Variants in TMEM178B observed in about 807,000 individuals in gnomAD.
TMEM178B encodes the protein transmembrane protein 178B.
TMEM178B carries 5 observed loss-of-function variants against 31.0 expected under a neutral mutation model. That is an observed-to-expected ratio of 0.16 (90% confidence interval 0.08 to 0.34). The LOEUF (loss-of-function observed/expected upper bound fraction) is 0.34. Among genes scored for constraint, TMEM178B ranks in the 10% least tolerant of loss-of-function variants. TMEM178B has a pLI of 1.00. For synonymous variants in TMEM178B, 164 were observed against 164.0 expected (o/e 1.00, Z 0.00); for missense variants, 275 against 400.3 (o/e 0.69, Z 2.67).
chr7:141,321,169 C>G (rs901772086), intron 2 of TMEM178B, among the ~76,000 whole-genome samples: 10 of 152,162 alleles, frequency 6.6e-5, no homozygotes, highest in African/African-American at 2.4e-4. Flanking sequence ...CTGGAGGTAG[C>G]CAACACCAAG....
intron 1 of TMEM178B, among the ~76,000 whole-genome samples, chr7:141,098,359 T>C (rs1478691656): frequency 1.3e-5 from 2 of 152,218 alleles, no homozygotes; most frequent in Non-Finnish European, 2.9e-5. Context: ...GGCTTAATGT[T>C]TTGGATCCCA....
intron 1 of TMEM178B, among the ~76,000 whole-genome samples, chr7:141,100,424 A>G (rs1308901907): frequency 6.6e-6 from 1 of 152,138 alleles, no homozygotes; most frequent in African/African-American, 2.4e-5. Context: ...AGTATGAGAG[A>G]TGCTAGCATT....
intron 1 of TMEM178B, among the ~76,000 whole-genome samples, chr7:141,178,945 T>G (rs954829802): frequency 2.2e-4 from 34 of 152,228 alleles, no homozygotes; most frequent in Non-Finnish European, 3.1e-4. Context: ...ATGTGCACTT[T>G]CTGTGAATGG....
At chr7:141,100,594 C>A (rs897661848) in intron 1 of TMEM178B, among the ~76,000 whole-genome samples, 1 of 152,064 alleles carries the variant, frequency 6.6e-6, no homozygotes, top group African/African-American at 2.4e-5. Context: ...TCCAATACAC[C>A]TATTTCTTAC....
At chr7:141,175,095 G>A (rs1284290608) in intron 1 of TMEM178B, among the ~76,000 whole-genome samples, 2 of 152,128 alleles carry the variant, frequency 1.3e-5, no homozygotes, top group African/African-American at 4.8e-5. Context: ...ATGGTTTTAG[G>A]TCTAACATTT....
At chr7:141,435,999 G>A (rs986078951) in intron 2 of TMEM178B, among the ~76,000 whole-genome samples, 25 of 152,178 alleles carry the variant, frequency 1.6e-4, no homozygotes, top group African/African-American at 5.1e-4. Flanking sequence ...CCTGTGCCCC[G>A]TCTCTCCCCA....
intron 1 of TMEM178B, among the ~76,000 whole-genome samples, chr7:141,095,051 A>G (rs970434959): frequency 6.6e-6 from 1 of 152,242 alleles, no homozygotes; most frequent in Non-Finnish European, 1.5e-5. Flanking sequence ...TGGAAAAAAG[A>G]GTCTGGCTAT....
intron 2 of TMEM178B, among the ~76,000 whole-genome samples, chr7:141,285,031 C>A (rs1282827243): frequency 2.0e-5 from 3 of 148,132 alleles, no homozygotes; most frequent in Non-Finnish European, 3.0e-5. Context: ...GCCTACCAGA[C>A]TGAAAAGTGT....
chr7:141,104,403 A>G (rs1047435984), intron 1 of TMEM178B, among the ~76,000 whole-genome samples: 1 of 152,172 alleles, frequency 6.6e-6, no homozygotes, highest in Non-Finnish European at 1.5e-5. Context: ...ATATTAGAAG[A>G]TGTGAGGAGG....
At chr7:141,274,123 C>G (rs1798229622) in intron 2 of TMEM178B, among the ~76,000 whole-genome samples, 2 of 152,210 alleles carry the variant, frequency 1.3e-5, no homozygotes, top group Admixed American at 1.3e-4. Context: ...TATGCCACTC[C>G]TCTTCTGAAA....
At position 141,163,824 on chromosome 7, in the gene TMEM178B, T is replaced by C. The variant is rs138052282; in HGVS notation, c.383-48767T>C. On this transcript the variant is annotated intron_variant, in intron 1 of 3. Transcript: ENST00000565468. The stretch of plus-strand genomic sequence containing the variant: ...CACCATGCCTGGCCAGCAAACAGCA[T>C]ATTTTAAGCAGATTTAGTGAAGAAT... Among the ~76,000 whole-genome samples the C allele has an allele frequency of 1.4e-4, 22 of 152,324 alleles. 1 individual carries two copies. The East Asian group carries it at 4.0e-3, about 28-fold the overall frequency.
intron 2 of TMEM178B, among the ~76,000 whole-genome samples, chr7:141,301,387 A>T (rs1278314652): frequency 6.6e-6 from 1 of 152,066 alleles, no homozygotes; most frequent in African/African-American, 2.4e-5. Context: ...TTGAATAGGG[A>T]CTTATTTTTC....
intron 2 of TMEM178B, among the ~76,000 whole-genome samples, chr7:141,301,819 C>T (rs1195686354): frequency 6.6e-6 from 1 of 152,130 alleles, no homozygotes; most frequent in Non-Finnish European, 1.5e-5. Context: ...AAGGGAGCCC[C>T]GGGGGGCCCT....
chr7:141,074,131 C>A lies in TMEM178B; in HGVS notation c.-180C>A, dbSNP rs572769594. On this transcript the variant is annotated 5_prime_UTR_variant, in exon 1 of 4. Coordinates refer to ENST00000565468, the MANE Select transcript of TMEM178B (RefSeq NM_001195278.2). The surrounding 1 kb of genome is among the most constrained non-coding windows in gnomAD (Gnocchi z 5.1). ...GGATCAGAACTTTTTAGGCCGCCCG[C>A]CCCCATCCCCGCAGTCCCCGGGCCG... 9.0e-6 allele frequency: 8 copies of A among 885,866 alleles called. No homozygotes were observed. The highest frequency in any genetic ancestry group is 1.2e-5 in the Non-Finnish European group (8 of 640,430). 54.9% of individuals were successfully genotyped at this position (885,866 alleles called of 1,614,324 possible).
the TMEM178B span, among the ~76,000 whole-genome samples, chr7:141,490,702 A>G: frequency 1.3e-5 from 2 of 152,238 alleles, no homozygotes; most frequent in African/African-American, 2.4e-5. Flanking sequence ...TGTCATTTCA[A>G]AGAAGCTTTC....
At chr7:141,509,972 A>G in the TMEM178B span, among the ~76,000 whole-genome samples, 4 of 152,350 alleles carry the variant, frequency 2.6e-5, no homozygotes, top group East Asian at 7.7e-4. Flanking sequence ...TTGGGAGCTC[A>G]GCTCCACAGC....
At chr7:141,125,229 G>A (rs572762320) in intron 1 of TMEM178B, among the ~76,000 whole-genome samples, 2 of 152,204 alleles carry the variant, frequency 1.3e-5, no homozygotes, top group South Asian at 4.1e-4. Context: ...AATTCCCAAG[G>A]CAAAATTAAT....
chr7:141,142,724 T>C (rs1320096866), intron 1 of TMEM178B, among the ~76,000 whole-genome samples: 1 of 152,220 alleles, frequency 6.6e-6, no homozygotes, highest in African/African-American at 2.4e-5. Context: ...TTATTTTCAT[T>C]TGGATGTATT....
At chr7:141,219,365 G>A (rs1797217513) in intron 2 of TMEM178B, among the ~76,000 whole-genome samples, 1 of 152,152 alleles carries the variant, frequency 6.6e-6, no homozygotes, top group Non-Finnish European at 1.5e-5. Context: ...CAGGTCCCCT[G>A]CAGCATCAGC....
Sources: gnomAD v4.1 joint callset for allele counts (sites outside exome capture counted in the v4.1 genomes callset) on GRCh38, gnomAD v4.1.1 for gene constraint, Gnocchi (gnomAD v3.1) non-coding constraint, MANE v1.5 for transcripts, NCBI Gene and HGNC (gene_info 2026-07-23, HGNC 2026-07-21) for gene names.